SBNO2: variants seen among roughly 807,000 people sequenced by gnomAD.
The protein encoded by SBNO2 is strawberry notch homolog 2, also known as protein strawberry notch homolog 2.
In SBNO2, 89 loss-of-function variants were observed where a neutral mutation model predicts 146.3. The observed-to-expected ratio is 0.61, with a 90% CI of 0.51 to 0.73. The LOEUF (loss-of-function observed/expected upper bound fraction) is 0.73, where lower values mean the gene tolerates loss of function less well. SBNO2 is among the 30% of genes least tolerant of loss of function. SBNO2 has a pLI of 0.00. For missense variants in SBNO2, 2,092 were observed against 2,003.7 expected, an observed-to-expected ratio of 1.04 and a Z score of -0.84; for synonymous variants, 1,147 against 892.6, an observed-to-expected ratio of 1.29 and a Z score of -5.08.
chr19:1,148,401 G>A (rs890959435), intron 3 of SBNO2, among the ~76,000 whole-genome samples: 18 of 151,546 alleles, frequency 1.2e-4, no homozygotes, highest in African/African-American at 1.7e-4. Context: ...TCGACTGCTC[G>A]CCTGGCCAAC....
At chr19:1,130,752 A>G (rs2080019110) in intron 4 of SBNO2, among the ~76,000 whole-genome samples, 1 of 152,188 alleles carries the variant, frequency 6.6e-6, no homozygotes, top group Non-Finnish European at 1.5e-5. Context: ...AGATCGTGCC[A>G]CTGCACACCA....
At chr19:1,132,298 C>G in intron 4 of SBNO2, 1 of 1,312,448 alleles carries the variant, frequency 7.6e-7, no homozygotes, top group Non-Finnish European at 9.7e-7. Flanking sequence ...CCGCCGGCGC[C>G]TACTTCCTCT....
At chr19:1,171,786 G>A (rs1289790932) in intron 1 of SBNO2, among the ~76,000 whole-genome samples, 1 of 152,126 alleles carries the variant, frequency 6.6e-6, no homozygotes, top group Non-Finnish European at 1.5e-5. Flanking sequence ...AGGGGTGGCT[G>A]GCGCAACCTC....
At chr19:1,135,507 A>G (rs1282719075) in intron 4 of SBNO2, among the ~76,000 whole-genome samples, 1 of 152,218 alleles carries the variant, frequency 6.6e-6, no homozygotes, top group African/African-American at 2.4e-5. Flanking sequence ...TCCCTGGAGC[A>G]GGTCAGACTG....
Position 1,110,440 on chromosome 19 carries a change from C to T in SBNO2, c.3028+305G>A, listed in dbSNP as rs1260646567. 6.6e-6 allele frequency among the ~76,000 whole-genome samples: 1 copy of T among 151,874 alleles called. No homozygotes were observed. Among genetic ancestry groups the T allele is most frequent in the Non-Finnish European group, 1.5e-5 (1 of 67,942 alleles). On this transcript the variant is annotated intron_variant, in intron 26 of 31. Transcript: ENST00000361757. The surrounding 1 kb of genome is among the most constrained non-coding windows in gnomAD (Gnocchi z 4.9). ...CCACGAGCCCTGTGCCTGCATCCGC[C>T]CAGTCTCACCCAGTACCCTCGCTCA...
At chr19:1,174,078 C>T (rs954094522) in intron 1 of SBNO2, 94 bp downstream of exon 1, 2 of 150,774 alleles carry the variant, frequency 1.3e-5, no homozygotes, top group Non-Finnish European at 3.0e-5. Context: ...GCCCCGGGCG[C>T]AGGGGTCCGC....
intron 8 of SBNO2, 33 bp downstream of exon 8, chr19:1,122,861 A>C: frequency 6.5e-7 from 1 of 1,539,260 alleles, no homozygotes. Context: ...CCTCGCGGAC[A>C]CAGGCTGGGC....
At chr19:1,134,083 C>CAG (rs1193093128) in intron 4 of SBNO2, among the ~76,000 whole-genome samples, 1 of 151,876 alleles carries the variant, frequency 6.6e-6, no homozygotes, top group Non-Finnish European at 1.5e-5. Context: ...GGTGGACCCA[C>CAG]AGCTCATAGG....
chr19:1,112,747 C>G lies in SBNO2; in HGVS notation c.2379+71G>C. The stretch of plus-strand genomic sequence containing the variant: ...CCAGAAGTGCGCGGGTCCACAGTCC[C>G]CGGGGACCCTTGGGCCCCTCTGTGC... On this transcript the variant is annotated intron_variant, in intron 20 of 31. Coordinates refer to ENST00000361757, the MANE Select transcript of SBNO2 (RefSeq NM_014963.3). This position sits in a 1 kb window ranked among gnomAD's most constrained non-coding sequence, Gnocchi z 5.9. The G allele has an allele frequency of 1.3e-6, 2 of 1,496,636 alleles. No individual in the cohort carries two copies. Among genetic ancestry groups the G allele is most frequent in the Non-Finnish European group, 1.8e-6 (2 of 1,120,250 alleles). 92.7% of individuals were successfully genotyped at this position (1,496,636 alleles called of 1,614,324 possible). A position where few individuals can be genotyped will look rare whatever the true frequency, so the allele number is the denominator to read the frequency against.
rs1599874957 is a variant in SBNO2 at position 1,157,127 on chromosome 19, C to T, written c.-126-2725G>A. The stretch of plus-strand genomic sequence containing the variant: ...CTGCAGACTCGGTCCTGTCCGAGGG[C>T]CCACGCCCCCAAGGGCTGGCTCCCA... On this transcript the variant is annotated intron_variant, in intron 1 of 31. Transcript: ENST00000361757. This position sits in a 1 kb window ranked among gnomAD's most constrained non-coding sequence, Gnocchi z 6.8. Among the ~76,000 whole-genome samples, 1 of 152,188 alleles carries T rather than the reference C, an allele frequency of 6.6e-6. No homozygotes were observed. Among genetic ancestry groups the T allele is most frequent in the South Asian group, 2.1e-4 (1 of 4,832 alleles).
chr19:1,116,041 C>T lies in SBNO2; in HGVS notation c.1865G>A (p.Gly622Glu), dbSNP rs778713133. Residue 622 changes from glycine (G) to glutamate (E), a missense_variant, in exon 17 of 32, where the codon GGA (glycine) becomes GAA (glutamate). Transcript: ENST00000361757. Reference sequence around the variant, plus strand: ...CTTACGTTTCCGCTTGCTGCCCGCTCCTCTGTCCCGCTTTCTCTTGGTGGA... The same window carrying T: ...CTTACGTTTCCGCTTGCTGCCCGCTTCTCTGTCCCGCTTTCTCTTGGTGGA... The part of the protein sequence containing the change: ...FPSTKRKRDR[G>E]AGSKRKRRPR... The T allele has an allele frequency of 6.2e-7, 1 of 1,610,770 alleles. No individual in the cohort carries two copies. Among genetic ancestry groups the T allele is most frequent in the Middle Eastern group, 1.8e-4 (1 of 5,618 alleles).
chr19:1,166,065 AC>A (rs1187620682), intron 1 of SBNO2, among the ~76,000 whole-genome samples: 4 of 39,692 alleles, frequency 1.0e-4, no homozygotes, highest in South Asian at 9.4e-4. Context: ...CAGACCCCAG[AC>A]CCCCAGATCT....
At chr19:1,113,976 C>A (rs1011276677) in intron 18 of SBNO2, among the ~76,000 whole-genome samples, 2 of 152,244 alleles carry the variant, frequency 1.3e-5, no homozygotes, top group African/African-American at 4.8e-5. Context: ...AGCCCCAAGC[C>A]CCAGCTCTGC....
At position 1,112,764 on chromosome 19, in the gene SBNO2, C is replaced by A; in HGVS notation, c.2379+54G>T. On this transcript the variant is annotated intron_variant, in intron 20 of 31. Transcript: ENST00000361757. This position sits in a 1 kb window ranked among gnomAD's most constrained non-coding sequence, Gnocchi z 5.9. ...CACAGTCCCCGGGGACCCTTGGGCC[C>A]CTCTGTGCCTCTTGGGTCCCGTGGG... 6.6e-7 allele frequency: 1 copy of A among 1,518,608 alleles called. No homozygotes were observed. The highest frequency in any genetic ancestry group is 2.0e-5 in the Admixed American group (1 of 49,746). The allele number at this position is 1,518,608 out of a possible 1,614,324, so 94.1% of individuals were successfully genotyped here.
chr19:1,117,588 G>C (rs2145209444), intron 14 of SBNO2, 89 bp from the exon 15 acceptor site: 1 of 1,373,566 alleles, frequency 7.3e-7, no homozygotes, highest in Admixed American at 2.5e-5. Context: ...CCCTGGGCAA[G>C]GCATCCCCAC....
Position 1,157,201 on chromosome 19 carries a change from C to T in SBNO2, c.-126-2799G>A, listed in dbSNP as rs1358491854. ...ACCCTTCCCCCATTGACTCCGCCGC[C>T]GTTTCTTGCAGCAGCTGTGACCACG... On this transcript the variant is annotated intron_variant, in intron 1 of 31. Transcript: ENST00000361757. This position sits in a 1 kb window ranked among gnomAD's most constrained non-coding sequence, Gnocchi z 6.8. Among the ~76,000 whole-genome samples the T allele has an allele frequency of 6.6e-6, 1 of 152,158 alleles. No homozygotes were observed. The highest frequency in any genetic ancestry group is 1.5e-5 in the Non-Finnish European group (1 of 68,018).
At chr19:1,123,663 C>G in intron 6 of SBNO2, 24 bp from the exon 7 acceptor site, 1 of 1,595,918 alleles carries the variant, frequency 6.3e-7, no homozygotes, top group Non-Finnish European at 8.5e-7. Flanking sequence ...GGGAGCTCAG[C>G]GGAGACTGCA....
At chr19:1,113,388 C>T (rs1472435495) in intron 19 of SBNO2, 147 bp downstream of exon 19, 2 of 738,652 alleles carry the variant, frequency 2.7e-6, no homozygotes, top group African/African-American at 3.7e-5. Flanking sequence ...GCTGCTGCCC[C>T]AGGGCTCCCC....
Position 1,114,345 on chromosome 19 carries a change from T to C in SBNO2, c.1963A>G (p.Ser655Gly). The C allele has an allele frequency of 6.4e-7, 1 of 1,557,258 alleles. No homozygotes were observed. The highest frequency in any genetic ancestry group is 8.7e-7 in the Non-Finnish European group (1 of 1,150,824). ...AGGCCAGGGTCCGACTCCGTGCTGC[T>C]GTCGTCACTGATGCGGATGACGCCC... is the stretch of plus-strand genomic sequence containing the variant. ...TAGVIRISDD[S>G]STESDPGLDS... The change falls in exon 18 of 32, where the codon AGC (serine) becomes GGC (glycine). Residue 655 changes from serine (S) to glycine (G), a missense_variant. Coordinates refer to ENST00000361757, the MANE Select transcript of SBNO2 (RefSeq NM_014963.3).
Sources: gnomAD v4.1 joint callset for allele counts (sites outside exome capture counted in the v4.1 genomes callset) on GRCh38, gnomAD v4.1.1 for gene constraint, Gnocchi (gnomAD v3.1) non-coding constraint, MANE v1.5 for transcripts, NCBI Gene and HGNC (gene_info 2026-07-23, HGNC 2026-07-21) for gene names.